DLGAP2: variants seen among roughly 807,000 people sequenced by gnomAD.
DLGAP2 encodes the protein disks large-associated protein 2.
In DLGAP2, 26 loss-of-function variants were observed where a neutral mutation model predicts 100.3. The ratio of observed to expected loss-of-function variants is 0.26; its 90% CI spans 0.19 to 0.36. The LOEUF (loss-of-function observed/expected upper bound fraction) is 0.36, where lower values mean the gene tolerates loss of function less well. Ranked by LOEUF, DLGAP2 falls within the 10% of genes least tolerant of loss-of-function variation. The probability of loss-of-function intolerance (pLI) is 1.00; values close to 1 mark genes in which losing one functional copy is unlikely to be tolerated. For synonymous variants in DLGAP2, 886 were observed against 630.1 expected, an observed-to-expected ratio of 1.41 and a Z score of -6.08; for missense variants, 1,858 against 1,453.2, an observed-to-expected ratio of 1.28 and a Z score of -4.53.
At chr8:1,086,168 G>A (rs1026458220) in intron 2 of DLGAP2, among the ~76,000 whole-genome samples, 2 of 152,150 alleles carry the variant, frequency 1.3e-5, no homozygotes, top group African/African-American at 4.8e-5. Context: ...TTTTGGTGGA[G>A]TTTGTAGGGT....
At chr8:1,514,455 A>T (rs550674042) in intron 4 of DLGAP2, among the ~76,000 whole-genome samples, 2 of 152,386 alleles carry the variant, frequency 1.3e-5, no homozygotes, top group South Asian at 4.1e-4. Flanking sequence ...CAGCTACTGT[A>T]TCAAGGAACA....
chr8:1,606,277 C>T (rs765499707), intron 6 of DLGAP2, among the ~76,000 whole-genome samples: 16 of 151,646 alleles, frequency 1.1e-4, no homozygotes, highest in Middle Eastern at 3.4e-3. Flanking sequence ...ATTTAAGAAC[C>T]ATACAATTCA....
At chr8:940,298 C>T (rs1479541356) in intron 2 of DLGAP2, among the ~76,000 whole-genome samples, 1 of 151,894 alleles carries the variant, frequency 6.6e-6, no homozygotes, top group Non-Finnish European at 1.5e-5. Flanking sequence ...GCACGAAAAC[C>T]AATGCCTGCG....
At chr8:1,685,978 G>A (rs1358123590) in intron 12 of DLGAP2, among the ~76,000 whole-genome samples, 2 of 152,164 alleles carry the variant, frequency 1.3e-5, no homozygotes, top group African/African-American at 2.4e-5. Flanking sequence ...ACTGCTGGTT[G>A]GAATATGAAG....
At chr8:821,201 G>A (rs915390506) in intron 1 of DLGAP2, among the ~76,000 whole-genome samples, 1 of 152,182 alleles carries the variant, frequency 6.6e-6, no homozygotes, top group Non-Finnish European at 1.5e-5. Context: ...TCAAACAGAT[G>A]TTTGGTCAGA....
At chr8:1,445,952 T>C (rs908227446) in intron 3 of DLGAP2, among the ~76,000 whole-genome samples, 22 of 152,210 alleles carry the variant, frequency 1.4e-4, no homozygotes, top group African/African-American at 5.3e-4. Flanking sequence ...CTTTTTTTCT[T>C]GTAAATTTGT....
intron 2 of DLGAP2, among the ~76,000 whole-genome samples, chr8:932,461 G>A (rs1252522328): frequency 6.6e-6 from 1 of 152,206 alleles, no homozygotes; most frequent in African/African-American, 2.4e-5. Context: ...GTGTGGTTTT[G>A]TGCTGAGTTT....
chr8:770,390 C>T (rs984373375), intron 1 of DLGAP2, among the ~76,000 whole-genome samples: 7 of 152,172 alleles, frequency 4.6e-5, no homozygotes, highest in African/African-American at 1.4e-4. Context: ...CCATGCTATG[C>T]CAGTTTGTCT....
Position 1,206,590 on chromosome 8 carries a change from C to T in DLGAP2, c.74-52261C>T, listed in dbSNP as rs368752867. Among the ~76,000 whole-genome samples, 353 of 42,978 alleles carry T rather than the reference C, an allele frequency of 8.2e-3. 15 individuals are homozygous for T. The highest frequency in any genetic ancestry group is 0.053 in the African/African-American group (230 of 4,374). The allele number at this position is 42,978 out of a possible 152,430, so 28.2% of individuals were successfully genotyped here. ...TCCGTGGGCGGGGGTAGACTGTGAG[C>T]AGTTAATCTCCAGCCATCCGTGGAC... On this transcript the variant is annotated intron_variant, in intron 2 of 14. Coordinates refer to ENST00000637795, the MANE Select transcript of DLGAP2 (RefSeq NM_001346810.2).
intron 3 of DLGAP2, among the ~76,000 whole-genome samples, chr8:1,336,207 A>G (rs1396169403): frequency 1.3e-5 from 2 of 152,228 alleles, no homozygotes; most frequent in Admixed American, 6.5e-5. Flanking sequence ...ATGGTTTTGA[A>G]TGTAACTATT....
At chr8:1,482,856 G>A (rs979042818) in intron 3 of DLGAP2, among the ~76,000 whole-genome samples, 1 of 152,272 alleles carries the variant, frequency 6.6e-6, no homozygotes, top group Non-Finnish European at 1.5e-5. Context: ...GGAGGGAGAC[G>A]CAGGAAGAGA....
chr8:1,167,399 G>T (rs1048420915), intron 2 of DLGAP2, among the ~76,000 whole-genome samples: 1 of 152,130 alleles, frequency 6.6e-6, no homozygotes, highest in Non-Finnish European at 1.5e-5. Flanking sequence ...AGGCAGAGAG[G>T]GGTGAGGCTG....
chr8:1,640,677 G>A (rs1475692748), intron 8 of DLGAP2, among the ~76,000 whole-genome samples: 9 of 152,058 alleles, frequency 5.9e-5, no homozygotes, highest in Non-Finnish European at 1.2e-4. Context: ...GCTTGTACCC[G>A]GGACTCGGGC....
intron 2 of DLGAP2, among the ~76,000 whole-genome samples, chr8:1,245,699 C>T (rs1440344305): frequency 6.6e-6 from 1 of 152,162 alleles, no homozygotes; most frequent in Non-Finnish European, 1.5e-5. Flanking sequence ...TTGAGCTGTG[C>T]ACTTTCAGTG....
At chr8:1,455,600 C>T (rs1027061038) in intron 3 of DLGAP2, among the ~76,000 whole-genome samples, 8 of 152,206 alleles carry the variant, frequency 5.3e-5, no homozygotes, top group Non-Finnish European at 7.3e-5. Context: ...GGAGGCGGAG[C>T]GCACCTCATC....
intron 6 of DLGAP2, among the ~76,000 whole-genome samples, chr8:1,601,945 G>GGTTTGTGTGT (rs1554506578): frequency 1.4e-5 from 2 of 146,348 alleles, no homozygotes; most frequent in Admixed American, 6.8e-5. Context: ...AATTTAACAG[G>GGTTTGTGTGT]GTGTGTGTGT....
At chr8:1,359,816 C>G (rs1271055317) in intron 3 of DLGAP2, among the ~76,000 whole-genome samples, 1 of 152,208 alleles carries the variant, frequency 6.6e-6, no homozygotes, top group Non-Finnish European at 1.5e-5. Context: ...ATGGACTTCT[C>G]CTTAGGGTTT....
chr8:1,199,015 C>T (rs920406841), intron 2 of DLGAP2, among the ~76,000 whole-genome samples: 20 of 152,236 alleles, frequency 1.3e-4, no homozygotes, highest in African/African-American at 4.6e-4. Context: ...CCTTAAAATG[C>T]AGCAGAGGTC....
chr8:848,947 G>A (rs1181019266), intron 1 of DLGAP2, among the ~76,000 whole-genome samples: 6 of 150,804 alleles, frequency 4.0e-5, no homozygotes, highest in Non-Finnish European at 7.4e-5. Context: ...GCATAGGAAC[G>A]CGCGGTGCCT....
Sources: gnomAD v4.1 joint callset for allele counts (sites outside exome capture counted in the v4.1 genomes callset) on GRCh38, gnomAD v4.1.1 for gene constraint, MANE v1.5 for transcripts, NCBI Gene and HGNC (gene_info 2026-07-23, HGNC 2026-07-21) for gene names.